Variants in AEBP1 observed in about 807,000 individuals in gnomAD.
AEBP1 encodes AE binding protein 1, also known as adipocyte enhancer-binding protein 1.
A neutral mutation model predicts 116.5 loss-of-function variants in AEBP1; 69 were observed. The observed-to-expected ratio is 0.59, with a 90% CI of 0.49 to 0.72. The LOEUF is 0.72. AEBP1 is among the 30% of genes least tolerant of loss of function. The pLI is 0.00. For missense variants in AEBP1, 1,444 were observed against 1,557.5 expected (o/e 0.93, Z 1.23); for synonymous variants, 627 against 627.3 (o/e 1.00, Z 0.01).
intron 9 of AEBP1, 92 bp from the exon 10 acceptor site, chr7:44,109,923 T>A: frequency 8.6e-7 from 1 of 1,165,768 alleles, no homozygotes; most frequent in East Asian, 2.6e-5. Context: ...GCCCCCGATG[T>A]GCCGGGAGTG....
rs769694553 is a variant in AEBP1 at position 44,107,458 on chromosome 7, CTG to C, written c.616_617del (p.Trp206AlafsTer17). 3.7e-6 allele frequency: 6 copies of C among 1,613,342 alleles called. No individual in the cohort carries two copies. In the South Asian group the frequency reaches 6.6e-5, roughly 18 times the overall value. The part of the protein sequence containing the change: ...QEGGAPLSNN[W>X]QNPGEETHVE... The stretch of plus-strand genomic sequence containing the variant: ...TTGCAGGGGCGCCCCTCTCAAATAA[CTG>C]GCAGAATCCAGGAGAGGAGACCCAT... On this transcript the variant is annotated frameshift_variant, in exon 3 of 21. Coordinates refer to ENST00000223357, the MANE Select transcript of AEBP1 (RefSeq NM_001129.5). LOFTEE classifies it high-confidence loss of function. The surrounding 1 kb of genome is among the most constrained non-coding windows in gnomAD (Gnocchi z 4.3).
rs913264267 is a variant in AEBP1, at chr7:44,114,460, T to C, written c.*199T>C. On this transcript the variant is annotated 3_prime_UTR_variant, in exon 21 of 21. Transcript: ENST00000223357. ...GAGCCAGAGGCTGTGTAGAGGCTCCTGCTCCACCTGCCAGTCTCGTAAGAG... is the reference window on the plus strand; with the variant it reads ...GAGCCAGAGGCTGTGTAGAGGCTCCCGCTCCACCTGCCAGTCTCGTAAGAG... The C allele has an allele frequency of 1.5e-6, 1 of 656,904 alleles. No individual in the cohort carries two copies. The highest frequency in any genetic ancestry group is 2.0e-5 in the South Asian group (1 of 50,096). The allele number at this position is 656,904 out of a possible 1,614,324, so 40.7% of individuals were successfully genotyped here.
chr7:44,104,825 G>T lies in AEBP1; in HGVS notation c.160G>T (p.Val54Leu). ...AGAACCTGAGCCCCGGGAGGACGAC[G>T]TGGAGGCCCCGCCGCCTCCCGAGCC... ...ELEPEPREDD[V>L]EAPPPPEPTP... Residue 54 changes from valine to leucine, a missense_variant, in exon 1 of 21, where the codon GTG (valine) becomes TTG (leucine). By Grantham distance (32) the Val-to-Leu change is conservative. Coordinates refer to ENST00000223357, the MANE Select transcript of AEBP1 (RefSeq NM_001129.5). 6.2e-7 allele frequency: 1 copy of T among 1,600,168 alleles called. No homozygotes were observed. The highest frequency in any genetic ancestry group is 1.3e-5 in the African/African-American group (1 of 74,690).
rs111364782 is a variant in AEBP1 at position 44,110,013 on chromosome 7, A to C, written c.1151-2A>C. 2 of 1,612,056 alleles carry C rather than the reference A, an allele frequency of 1.2e-6. No homozygotes were observed. The highest frequency in any genetic ancestry group is 2.7e-5 in the African/African-American group (2 of 74,920). ...CCACCATTCTGGGGTACGCGTCCTC[A>C]GAGTGTCCCCCCATTGGGATGGAGT... On this transcript the variant is annotated splice_acceptor_variant, in intron 9 of 20. Coordinates refer to ENST00000223357, the MANE Select transcript of AEBP1 (RefSeq NM_001129.5). LOFTEE classifies it high-confidence loss of function.
chr7:44,109,348 G>A lies in AEBP1; in HGVS notation c.1150+7G>A. 2 of 1,586,032 alleles carry A rather than the reference G, an allele frequency of 1.3e-6. No homozygotes were observed. Among genetic ancestry groups the A allele is most frequent in the Non-Finnish European group, 1.7e-6 (2 of 1,166,776 alleles). ...ACGCCTACGGAGAAAGTCAGTAAGT[G>A]GGGGGCACAAGGGGGTGAGGGTGGG... On this transcript the variant is annotated splice_region_variant and intron_variant, in intron 9 of 20. Coordinates refer to ENST00000223357, the MANE Select transcript of AEBP1 (RefSeq NM_001129.5).
chr7:44,111,303 T>C lies in AEBP1; in HGVS notation c.1716+64T>C. 1 of 1,446,302 alleles carries C rather than the reference T, an allele frequency of 6.9e-7. No homozygotes were observed. Among genetic ancestry groups the C allele is most frequent in the Non-Finnish European group, 9.2e-7 (1 of 1,087,440 alleles). The allele number at this position is 1,446,302 out of a possible 1,614,324, so 89.6% of individuals were successfully genotyped here. On this transcript the variant is annotated intron_variant, in intron 14 of 20. Coordinates refer to ENST00000223357, the MANE Select transcript of AEBP1 (RefSeq NM_001129.5). This position sits in a 1 kb window ranked among gnomAD's most constrained non-coding sequence, Gnocchi z 4.7. ...TCTGTGGCTGACGGGAGTGTGTGCC[T>C]GGTGCTTCTGTCACTGGGCCCAGTC...
chr7:44,107,744 C>G lies in AEBP1; in HGVS notation c.739+44C>G, dbSNP rs1424902394. On this transcript the variant is annotated intron_variant, in intron 4 of 20. Transcript: ENST00000223357. The surrounding 1 kb of genome is among the most constrained non-coding windows in gnomAD (Gnocchi z 4.3). ...GCCCCACCTGGGTCGGACCCCTGGC[C>G]TGGGGGATGTGCCAATGGGCCCATC... 1 of 1,613,024 alleles carries G rather than the reference C, an allele frequency of 6.2e-7. No homozygotes were observed. Among genetic ancestry groups the G allele is most frequent in the African/African-American group, 1.3e-5 (1 of 74,844 alleles).
rs781751466 is a variant in AEBP1, at chr7:44,112,536, T to C, written c.2218-22T>C. The C allele has an allele frequency of 5.2e-5, 81 of 1,550,792 alleles. No individual in the cohort carries two copies. The South Asian group carries it at 7.2e-4, about 14-fold the overall frequency. On this transcript the variant is annotated intron_variant, in intron 17 of 20. Coordinates refer to ENST00000223357, the MANE Select transcript of AEBP1 (RefSeq NM_001129.5). The surrounding 1 kb of genome is among the most constrained non-coding windows in gnomAD (Gnocchi z 6.6). ...AGTGGCCGGAGCTGCAGCCCTGGCC[T>C]CACACGTGCTGGCCACTCCAGGTAT...
rs772167234 is a variant in AEBP1 at position 44,111,569 on chromosome 7, C to T, written c.1779C>T (p.Ser593=). 163 of 1,612,874 alleles carry T rather than the reference C, an allele frequency of 1.0e-4. 4 individuals carry two copies. In the South Asian group the frequency reaches 1.5e-3, roughly 15 times the overall value. The part of the protein sequence containing the change: ...TITRTYSLGK[S]SRGLKIYAME... ...CCCGCACTTACAGCCTGGGCAAGAG[C>T]TCACGAGGCCTCAAGATCTATGCCA... The change falls in exon 15 of 21, where the codon AGC becomes AGT. Residue 593 remains serine (S), a synonymous_variant. Transcript: ENST00000223357. This position sits in a 1 kb window ranked among gnomAD's most constrained non-coding sequence, Gnocchi z 4.7.
rs534268321 is a variant in AEBP1 at position 44,113,433 on chromosome 7, C to T, written c.2809+82C>T. The stretch of plus-strand genomic sequence containing the variant: ...GTGGGGGCTTGAGGAACTCAGCGAG[C>T]AGGTAGAGTCTGGGGAGCCTGGGGG... On this transcript the variant is annotated intron_variant, in intron 20 of 20. Coordinates refer to ENST00000223357, the MANE Select transcript of AEBP1 (RefSeq NM_001129.5). This position sits in a 1 kb window ranked among gnomAD's most constrained non-coding sequence, Gnocchi z 5.3. 9.5e-6 allele frequency: 14 copies of T among 1,476,368 alleles called. 1 individual carries two copies. In the East Asian group the frequency reaches 3.5e-4, roughly 37 times the overall value. The allele number at this position is 1,476,368 out of a possible 1,614,324, so 91.5% of individuals were successfully genotyped here. A position where few individuals can be genotyped will look rare whatever the true frequency, so the allele number is the denominator to read the frequency against.
rs761249089 is a variant in AEBP1 at position 44,113,923 on chromosome 7, C to G, written c.3139C>G (p.His1047Asp). 1 of 1,613,686 alleles carries G rather than the reference C, an allele frequency of 6.2e-7. No individual in the cohort carries two copies. Among genetic ancestry groups the G allele is most frequent in the Admixed American group, 1.7e-5 (1 of 60,012 alleles). Residue 1047 changes from histidine to aspartate, a missense_variant, in exon 21 of 21, where the codon CAC (histidine) becomes GAC (aspartate). Transcript: ENST00000223357. The surrounding 1 kb of genome is among the most constrained non-coding windows in gnomAD (Gnocchi z 5.3). Reference protein sequence around the residue: ...RLNATTTLGPHTVPPTLPPAP... With the variant: ...RLNATTTLGPDTVPPTLPPAP... The stretch of plus-strand genomic sequence containing the variant: ...CAACGCCACCACCACCCTAGGCCCC[C>G]ACACTGTGCCTCCCACGCTGCCCCC...
chr7:44,107,520 C>T lies in AEBP1; in HGVS notation c.667+10C>T, dbSNP rs374348558. On this transcript the variant is annotated intron_variant, in intron 3 of 20. Coordinates refer to ENST00000223357, the MANE Select transcript of AEBP1 (RefSeq NM_001129.5). This position sits in a 1 kb window ranked among gnomAD's most constrained non-coding sequence, Gnocchi z 4.3. Reference sequence around the variant, plus strand: ...CGGGAGCACCAGCCTGGTGAGTGGCCGTCATCCGCCTGGCCTTGGGGCCAG... The same window carrying T: ...CGGGAGCACCAGCCTGGTGAGTGGCTGTCATCCGCCTGGCCTTGGGGCCAG... The T allele has an allele frequency of 4.6e-5, 75 of 1,613,286 alleles. 1 individual carries two copies. The African/African-American group carries it at 5.6e-4, about 12-fold the overall frequency.
chr7:44,104,950 G>C, intron 1 of AEBP1, 32 bp downstream of exon 1: 2 of 1,491,520 alleles, frequency 1.3e-6, no homozygotes, highest in South Asian at 1.2e-5. Flanking sequence ...GGGGTGTGGG[G>C]GGCTGGCATC....
At position 44,110,727 on chromosome 7, in the gene AEBP1, A is replaced by T; in HGVS notation, c.1403A>T (p.Asp468Val). 6.6e-7 allele frequency: 1 copy of T among 1,522,750 alleles called. No individual in the cohort carries two copies. The highest frequency in any genetic ancestry group is 2.3e-5 in the East Asian group (1 of 43,978). The allele number at this position is 1,522,750 out of a possible 1,614,324, so 94.3% of individuals were successfully genotyped here. ...TCTGACCACTGTCCACTCCACAGTG[A>T]CGATTTTGTGACCACCTTCTTCGTG... ...ITQGRDSSIHDDFVTTFFVGF... is the reference protein window; with the variant it reads ...ITQGRDSSIHVDFVTTFFVGF... Residue 468 changes from aspartate to valine, a missense_variant and splice_region_variant, in exon 12 of 21, where the codon GAC (aspartate) becomes GTC (valine). Asp to Val is a radical substitution (Grantham distance 152). Coordinates refer to ENST00000223357, the MANE Select transcript of AEBP1 (RefSeq NM_001129.5).
Position 44,107,736 on chromosome 7 carries a change from C to T in AEBP1, c.739+36C>T, listed in dbSNP as rs1373602922. Reference sequence around the variant, plus strand: ...TCCTGCCAGCCCCACCTGGGTCGGACCCCTGGCCTGGGGGATGTGCCAATG... The same window carrying T: ...TCCTGCCAGCCCCACCTGGGTCGGATCCCTGGCCTGGGGGATGTGCCAATG... On this transcript the variant is annotated intron_variant, in intron 4 of 20. Transcript: ENST00000223357. This position sits in a 1 kb window ranked among gnomAD's most constrained non-coding sequence, Gnocchi z 4.3. 1.2e-6 allele frequency: 2 copies of T among 1,613,172 alleles called. No homozygotes were observed. The highest frequency in any genetic ancestry group is 1.7e-6 in the Non-Finnish European group (2 of 1,179,892).
In AEBP1 at chr7:44,113,692, G is replaced by T. The variant is rs778674166; in HGVS notation, c.2908G>T (p.Asp970Tyr). 56 of 1,613,912 alleles carry T rather than the reference G, an allele frequency of 3.5e-5. No homozygotes were observed. The highest frequency in any genetic ancestry group is 5.5e-5 in the South Asian group (5 of 91,092). ...CCCGAGCGCCAAGACCTGCAATGTT[G>T]ACTATGACATCGGGGCCACTCAGTG... The part of the protein sequence containing the change: ...YTPSAKTCNV[D>Y]YDIGATQCNF... The change falls in exon 21 of 21, where the codon GAC (aspartate) becomes TAC (tyrosine). Residue 970 changes from aspartate to tyrosine, a missense_variant. Coordinates refer to ENST00000223357, the MANE Select transcript of AEBP1 (RefSeq NM_001129.5). This position sits in a 1 kb window ranked among gnomAD's most constrained non-coding sequence, Gnocchi z 5.3.
chr7:44,110,378 A>C (rs2096227939), intron 11 of AEBP1, 32 bp downstream of exon 11: 11 of 1,613,178 alleles, frequency 6.8e-6, no homozygotes, highest in Non-Finnish European at 9.3e-6. Context: ...TAGTTGGCAG[A>C]GGGGAGTGGC....
rs2096232774 is a variant in AEBP1 at position 44,113,681 on chromosome 7, C to T, written c.2897C>T (p.Thr966Ile). ...HAEGYTPSAK[T>I]CNVDYDIGAT... The stretch of plus-strand genomic sequence containing the variant: ...GAGGGCTACACCCCGAGCGCCAAGA[C>T]CTGCAATGTTGACTATGACATCGGG... The change falls in exon 21 of 21, where the codon ACC (threonine) becomes ATC (isoleucine). Residue 966 changes from threonine (T) to isoleucine (I), a missense_variant. Physicochemically the swap from Thr to Ile is moderately conservative, Grantham distance 89. Transcript: ENST00000223357. The surrounding 1 kb of genome is among the most constrained non-coding windows in gnomAD (Gnocchi z 5.3). 1.9e-6 allele frequency: 3 copies of T among 1,613,902 alleles called. No homozygotes were observed. The highest frequency in any genetic ancestry group is 1.1e-5 in the South Asian group (1 of 91,092).
At position 44,104,862 on chromosome 7, in the gene AEBP1, T is replaced by A; in HGVS notation, c.197T>A (p.Val66Asp). The A allele has an allele frequency of 6.4e-7, 1 of 1,571,054 alleles. No homozygotes were observed. Among genetic ancestry groups the A allele is most frequent in the South Asian group, 1.2e-5 (1 of 86,366 alleles). Residue 66 changes from valine to aspartate, a missense_variant, in exon 1 of 21, where the codon GTC (valine) becomes GAC (aspartate). Transcript: ENST00000223357. ...APPPPEPTPR[V>D]RKAQAGGKPG... ...CCGCCTCCCGAGCCCACCCCGCGGGTCCGAAAAGCCCAGGCGGGGGGCAAG... is the reference window on the plus strand; with the variant it reads ...CCGCCTCCCGAGCCCACCCCGCGGGACCGAAAAGCCCAGGCGGGGGGCAAG...
Sources: gnomAD v4.1 joint callset for allele counts on GRCh38, gnomAD v4.1.1 for gene constraint, Gnocchi (gnomAD v3.1) non-coding constraint, MANE v1.5 for transcripts, NCBI Gene and HGNC (gene_info 2026-07-23, HGNC 2026-07-21) for gene names.